Variants in SPARC observed in about 807,000 individuals in gnomAD.
SPARC encodes basement-membrane protein 40.
In SPARC, 23 loss-of-function variants were observed where a neutral mutation model predicts 37.7. That is an observed-to-expected ratio of 0.61 (90% confidence interval 0.44 to 0.87). SPARC has a LOEUF of 0.87. Among genes scored for constraint, SPARC ranks in the 40% least tolerant of loss-of-function variants. The probability of loss-of-function intolerance (pLI) is 0.00; values close to 1 mark genes in which losing one functional copy is unlikely to be tolerated. For synonymous variants in SPARC, 155 were observed against 150.8 expected (o/e 1.03, Z -0.20); for missense variants, 312 against 389.0 (o/e 0.80, Z 1.66).
intron 5 of SPARC, 28 bp downstream of exon 5, chr5:151,671,545 C>T (rs1250961903): frequency 6.5e-7 from 1 of 1,537,386 alleles, no homozygotes; most frequent in Non-Finnish European, 8.7e-7. Context: ...CCAATCCCTT[C>T]CCCCTGCCCC....
chr5:151,664,889 T>A (rs145991483), intron 8 of SPARC, among the ~76,000 whole-genome samples: 1 of 152,164 alleles, frequency 6.6e-6, no homozygotes, highest in Admixed American at 6.5e-5. Flanking sequence ...CTATTCTCCC[T>A]GCTGGCCTTA....
intron 8 of SPARC, 48 bp from the exon 9 acceptor site, chr5:151,664,283 C>A (rs769166858): frequency 3.2e-6 from 5 of 1,584,398 alleles, no homozygotes; most frequent in Non-Finnish European, 4.3e-6. Flanking sequence ...AAAAGCTCCA[C>A]ACCCAGCCTT....
At chr5:151,664,847 C>T (rs1378051835) in intron 8 of SPARC, among the ~76,000 whole-genome samples, 2 of 152,046 alleles carry the variant, frequency 1.3e-5, no homozygotes, top group East Asian at 1.9e-4. Context: ...AGAGGGAGGC[C>T]CTTTGGATGT....
At chr5:151,674,003 T>C (rs905480292) in intron 3 of SPARC, among the ~76,000 whole-genome samples, 7 of 140,944 alleles carry the variant, frequency 5.0e-5, no homozygotes, top group African/African-American at 1.9e-4. Flanking sequence ...TGTGTGTGTG[T>C]GTGTGCTTGT....
In SPARC at chr5:151,667,465, AC is replaced by A; in HGVS notation, c.585+1del. ...GCCAGCAAGGCCAGAGAGACCACTT[AC>A]CCGCAGCTTCTGCTTCTCAGTCAGA... On this transcript the variant is annotated splice_donor_variant, in intron 7 of 9. Transcript: ENST00000231061. LOFTEE classifies it high-confidence loss of function. 1 of 1,614,088 alleles carries A rather than the reference AC, an allele frequency of 6.2e-7. No homozygotes were observed. The highest frequency in any genetic ancestry group is 8.5e-7 in the Non-Finnish European group (1 of 1,179,986).
intron 3 of SPARC, among the ~76,000 whole-genome samples, chr5:151,673,694 G>A (rs1760794169): frequency 1.3e-5 from 2 of 152,190 alleles, no homozygotes; most frequent in South Asian, 4.1e-4. Context: ...TAACCTGGAA[G>A]CCCTCACTTC....
At chr5:151,676,419 A>G (rs1475094266) in intron 1 of SPARC, among the ~76,000 whole-genome samples, 1 of 152,164 alleles carries the variant, frequency 6.6e-6, no homozygotes, top group African/African-American at 2.4e-5. Flanking sequence ...CCTCCTTTAT[A>G]CTCATCTATC....
At chr5:151,673,768 G>A (rs747435923) in intron 3 of SPARC, among the ~76,000 whole-genome samples, 1 of 152,052 alleles carries the variant, frequency 6.6e-6, no homozygotes, top group African/African-American at 2.4e-5. Flanking sequence ...TTGAAGTCTC[G>A]TGTCTCCCTA....
intron 7 of SPARC, 82 bp downstream of exon 7, chr5:151,667,385 C>T (rs1264642152): frequency 1.9e-5 from 30 of 1,542,636 alleles, no homozygotes; most frequent in African/African-American, 2.7e-5. Flanking sequence ...CAGGATGCCG[C>T]CCTGCAGCTG....
intron 3 of SPARC, among the ~76,000 whole-genome samples, chr5:151,673,490 T>A (rs890460997): frequency 6.6e-6 from 1 of 152,194 alleles, no homozygotes; most frequent in Non-Finnish European, 1.5e-5. Context: ...GAGAACTGCA[T>A]AGGACAAACC....
chr5:151,685,594 T>C (rs1245579294), intron 1 of SPARC, among the ~76,000 whole-genome samples: 1 of 152,110 alleles, frequency 6.6e-6, no homozygotes, highest in Non-Finnish European at 1.5e-5. Flanking sequence ...GTTTCAGCCT[T>C]CTTTCATTAC....
At chr5:151,672,455 A>C (rs1290847971) in intron 4 of SPARC, 1 of 152,394 alleles carries the variant, frequency 6.6e-6, no homozygotes, top group African/African-American at 2.4e-5. Flanking sequence ...CCCATATGAG[A>C]GATGAGAAAC....
intron 1 of SPARC, among the ~76,000 whole-genome samples, chr5:151,684,441 C>G (rs1023019890): frequency 8.1e-5 from 12 of 148,998 alleles, no homozygotes; most frequent in African/African-American, 3.0e-4. Context: ...TCACCCTTGG[C>G]CAATGCTTTT....
chr5:151,671,555 CT>C lies in SPARC; in HGVS notation c.330+17del. The C allele has an allele frequency of 6.5e-7, 1 of 1,548,832 alleles. No individual in the cohort carries two copies. The highest frequency in any genetic ancestry group is 8.7e-7 in the Non-Finnish European group (1 of 1,149,528). On this transcript the variant is annotated intron_variant, in intron 5 of 9. Coordinates refer to ENST00000231061, the MANE Select transcript of SPARC (RefSeq NM_003118.4). Reference sequence around the variant, plus strand: ...AGTGCCCAATCCCTTCCCCCTGCCCCTGTCTCTCAGCCCTCACCTTCTCAAA... The same window carrying C: ...AGTGCCCAATCCCTTCCCCCTGCCCCGTCTCTCAGCCCTCACCTTCTCAAA...
chr5:151,669,843 A>T, intron 5 of SPARC, 59 bp from the exon 6 acceptor site: 1 of 1,601,800 alleles, frequency 6.2e-7, no homozygotes, highest in South Asian at 1.1e-5. Context: ...GCTGATACCA[A>T]TATCCTTGTC....
intron 5 of SPARC, among the ~76,000 whole-genome samples, chr5:151,670,041 G>GA (rs1349451584): frequency 2.0e-5 from 3 of 152,066 alleles, no homozygotes; most frequent in Admixed American, 2.0e-4. Flanking sequence ...GAGATATAGG[G>GA]AAAAAAATCC....
At chr5:151,683,043 G>A (rs909887796) in intron 1 of SPARC, among the ~76,000 whole-genome samples, 2 of 139,500 alleles carry the variant, frequency 1.4e-5, no homozygotes, top group African/African-American at 5.2e-5. Context: ...CTACTTGCTG[G>A]CCCTGGCCCT....
At chr5:151,674,969 G>A (rs1231489139) in intron 2 of SPARC, among the ~76,000 whole-genome samples, 2 of 152,198 alleles carry the variant, frequency 1.3e-5, no homozygotes, top group African/African-American at 4.8e-5. Context: ...TATAAAGTCT[G>A]AAAATCACTG....
At chr5:151,678,624 C>T (rs541767785) in intron 1 of SPARC, among the ~76,000 whole-genome samples, 1 of 152,164 alleles carries the variant, frequency 6.6e-6, no homozygotes, top group East Asian at 1.9e-4. Context: ...CAAAGTCATG[C>T]AACAATTCAG....
Sources: allele counts gnomAD v4.1 joint callset (sites outside exome capture counted in the v4.1 genomes callset), GRCh38; gene constraint gnomAD v4.1.1; transcripts MANE v1.5; gene names NCBI Gene and HGNC (gene_info 2026-07-23, HGNC 2026-07-21).